The following PHF14 variants were observed in gnomAD, a reference collection of about 807,000 sequenced individuals.
PHF14 encodes the protein PHD finger protein 14.
Under a neutral mutation model 117.9 loss-of-function variants are expected in PHF14, and 55 were observed. The observed-to-expected ratio is 0.47, with a 90% CI of 0.38 to 0.58. PHF14 has a LOEUF of 0.58. Among genes scored for constraint, PHF14 ranks in the 20% least tolerant of loss-of-function variants. The pLI is 0.00. For synonymous variants in PHF14, 409 were observed against 368.6 expected (o/e 1.11, Z -1.26); for missense variants, 978 against 1,122.2 (o/e 0.87, Z 1.84).
chr7:11,006,200 A>G (rs1476281169), intron 4 of PHF14, among the ~76,000 whole-genome samples: 1 of 152,146 alleles, frequency 6.6e-6, no homozygotes, highest in Non-Finnish European at 1.5e-5. Context: ...CATATTTGTA[A>G]ATTTTCTTTT....
chr7:11,098,082 GTTAA>G (rs1786943971), intron 16 of PHF14, among the ~76,000 whole-genome samples: 1 of 151,762 alleles, frequency 6.6e-6, no homozygotes, highest in African/African-American at 2.4e-5. Context: ...AAAATCTTTT[GTTAA>G]TTATAAAAAT....
Position 11,107,210 on chromosome 7 carries a change from C to T in PHF14, c.2655-4140C>T, listed in dbSNP as rs1753178685. 9.1e-6 allele frequency: 9 copies of T among 983,776 alleles called. No homozygotes were observed. The South Asian group carries it at 3.3e-4, about 36-fold the overall frequency. The allele number at this position is 983,776 out of a possible 1,614,324, so 60.9% of individuals were successfully genotyped here. A position where few individuals can be genotyped will look rare whatever the true frequency, so the allele number is the denominator to read the frequency against. ...TTCTTTTTACTTGTTTGCATATTCT[C>T]AATAGTCAGGTAAACACCTGACTAA... On this transcript the variant is annotated intron_variant, in intron 16 of 17. Coordinates refer to ENST00000634607, the MANE Select transcript of PHF14 (RefSeq NM_001007157.2).
chr7:11,055,715 C>T (rs1784993893), intron 14 of PHF14, among the ~76,000 whole-genome samples: 1 of 152,054 alleles, frequency 6.6e-6, no homozygotes, highest in South Asian at 2.1e-4. Flanking sequence ...ATCAAATATC[C>T]TAGAGCCTAC....
chr7:11,042,486 C>G (rs1784532680), intron 12 of PHF14, among the ~76,000 whole-genome samples, 197 bp from the exon 13 acceptor site: 1 of 151,864 alleles, frequency 6.6e-6, no homozygotes, highest in African/African-American at 2.4e-5. Context: ...CTATTTTTAA[C>G]ATTCTCAAAA....
chr7:11,028,792 C>T lies in PHF14; in HGVS notation c.1429C>T (p.Leu477=), dbSNP rs150121849. 6.2e-5 allele frequency: 100 copies of T among 1,613,744 alleles called. No homozygotes were observed. The African/African-American group carries it at 1.1e-3, about 18-fold the overall frequency. Residue 477 remains leucine, a synonymous_variant, in exon 7 of 18, where the codon CTG becomes TTG. Coordinates refer to ENST00000634607, the MANE Select transcript of PHF14 (RefSeq NM_001007157.2). ...FHVTCAQKEG[L]LSEAAAEEDI... Reference sequence around the variant, plus strand: ...TGTGACCTGTGCTCAAAAGGAAGGTCTGCTTTCAGAGGCAGCGGCGGAAGA... The same window carrying T: ...TGTGACCTGTGCTCAAAAGGAAGGTTTGCTTTCAGAGGCAGCGGCGGAAGA...
rs113287745 is a variant in PHF14 at position 10,991,073 on chromosome 7, C to T, written c.1045+226C>T. On this transcript the variant is annotated intron_variant, in intron 4 of 17. Transcript: ENST00000634607. The stretch of plus-strand genomic sequence containing the variant: ...TGGCACAATCTCGGTTCACTGCAAC[C>T]TCCACCTCCCAGGTTCAAGCGATTC... 1.2e-3 allele frequency among the ~76,000 whole-genome samples: 185 copies of T among 152,292 alleles called. 1 individual carries two copies. Among genetic ancestry groups the T allele is most frequent in the African/African-American group, 4.4e-3 (183 of 41,562 alleles).
chr7:11,117,969 G>A (rs1000547473), intron 17 of PHF14, among the ~76,000 whole-genome samples: 3 of 151,662 alleles, frequency 2.0e-5, no homozygotes, highest in Admixed American at 6.6e-5. Context: ...TTATATGGCC[G>A]ACAGAGACAT....
At chr7:11,113,043 T>G (rs1787494603) in intron 17 of PHF14, among the ~76,000 whole-genome samples, 1 of 152,032 alleles carries the variant, frequency 6.6e-6, no homozygotes, top group Non-Finnish European at 1.5e-5. Flanking sequence ...CTTACGAGTC[T>G]CTTTAATAAG....
At chr7:11,081,166 G>A (rs1786085947) in intron 16 of PHF14, among the ~76,000 whole-genome samples, 1 of 152,062 alleles carries the variant, frequency 6.6e-6, no homozygotes, top group Non-Finnish European at 1.5e-5. Flanking sequence ...ATTCTAGTTT[G>A]GAAAACGAGA....
chr7:11,050,194 G>C (rs1052987740), intron 13 of PHF14, among the ~76,000 whole-genome samples: 1 of 152,162 alleles, frequency 6.6e-6, no homozygotes, highest in East Asian at 1.9e-4. Context: ...CACAGTATTA[G>C]TGAAAGATGT....
intron 17 of PHF14, among the ~76,000 whole-genome samples, chr7:11,126,668 AT>A (rs1431272084): frequency 6.6e-6 from 1 of 151,530 alleles, no homozygotes; most frequent in African/African-American, 2.4e-5. Flanking sequence ...TTTTTCAAGT[AT>A]GTTTATGTTC....
chr7:11,033,483 A>G (rs1784197335), intron 7 of PHF14, among the ~76,000 whole-genome samples: 1 of 152,190 alleles, frequency 6.6e-6, no homozygotes, highest in Non-Finnish European at 1.5e-5. Context: ...GGCATTTCAT[A>G]CAACTTATTG....
intron 3 of PHF14, among the ~76,000 whole-genome samples, chr7:10,989,959 TGTA>T (rs1782386583): frequency 6.6e-6 from 1 of 152,168 alleles, no homozygotes. Context: ...ACTAGCTAGA[TGTA>T]TTTATTACCA....
intron 13 of PHF14, among the ~76,000 whole-genome samples, chr7:11,045,230 T>C (rs1784626292): frequency 6.6e-6 from 1 of 152,212 alleles, no homozygotes; most frequent in African/African-American, 2.4e-5. Context: ...TGCTTTAGAC[T>C]CTACCTTGTT....
At chr7:11,027,731 T>A (rs1041358460) in intron 6 of PHF14, among the ~76,000 whole-genome samples, 2 of 152,138 alleles carry the variant, frequency 1.3e-5, no homozygotes, top group Non-Finnish European at 1.5e-5. Context: ...ATTTAAAACA[T>A]GCATGATTTC....
At chr7:11,044,781 A>G (rs142138013) in intron 13 of PHF14, among the ~76,000 whole-genome samples, 12 of 152,146 alleles carry the variant, frequency 7.9e-5, no homozygotes, top group African/African-American at 2.2e-4. Context: ...TGGATGGTAG[A>G]AAAAAAATGA....
chr7:11,015,331 G>C (rs1358701786), intron 5 of PHF14: 1 of 151,964 alleles, frequency 6.6e-6, no homozygotes, highest in Non-Finnish European at 1.5e-5. Context: ...TTGAATCTTG[G>C]AGAATCCCAT....
chr7:11,014,376 C>T (rs1346432365), intron 5 of PHF14, among the ~76,000 whole-genome samples: 22 of 152,114 alleles, frequency 1.4e-4, no homozygotes, highest in Non-Finnish European at 2.6e-4. Flanking sequence ...TATAAAAAAA[C>T]TCTAAAGGAT....
chr7:11,009,753 G>T (rs1783274133), intron 4 of PHF14, among the ~76,000 whole-genome samples: 1 of 152,156 alleles, frequency 6.6e-6, no homozygotes. Context: ...ACACAGTATG[G>T]ATCATTTTTC....
Sources: gnomAD v4.1 joint callset for allele counts (sites outside exome capture counted in the v4.1 genomes callset) on GRCh38, gnomAD v4.1.1 for gene constraint, MANE v1.5 for transcripts, NCBI Gene and HGNC (gene_info 2026-07-23, HGNC 2026-07-21) for gene names.